The following BOD1L1 variants were observed in gnomAD, a reference collection of about 807,000 sequenced individuals.
BOD1L1 encodes biorientation of chromosomes in cell division 1 like 1, also known as biorientation of chromosomes in cell division protein 1-like 1.
In BOD1L1, 86 loss-of-function variants were observed where a neutral mutation model predicts 240.7. That is an observed-to-expected ratio of 0.36 (90% CI 0.30 to 0.43). The LOEUF (loss-of-function observed/expected upper bound fraction) is 0.43, where lower values mean the gene tolerates loss of function less well. Ranked by LOEUF, BOD1L1 falls within the 20% of genes least tolerant of loss-of-function variation. The pLI is 1.00. For synonymous variants in BOD1L1, 1,268 were observed against 1,272.3 expected (o/e 1.00, Z 0.07); for missense variants, 3,554 against 3,643.5 (o/e 0.98, Z 0.63).
In BOD1L1 at chr4:13,586,552, CTGTT is replaced by C. The variant is rs1469482269; in HGVS notation, c.8354-81_8354-78del. The stretch of plus-strand genomic sequence containing the variant: ...TGAAATGCATAGTTCTATTTTAAGA[CTGTT>C]TGAGCCTTCTTTCTTAGGCCTGTGA... On this transcript the variant is annotated intron_variant, in intron 16 of 25. Transcript: ENST00000040738. The C allele has an allele frequency of 1.7e-5, 15 of 881,374 alleles. 1 individual carries two copies. Among genetic ancestry groups the C allele is most frequent in the South Asian group, 1.2e-4 (6 of 50,548 alleles). The allele number at this position is 881,374 out of a possible 1,614,324, so 54.6% of individuals were successfully genotyped here. A position where few individuals can be genotyped will look rare whatever the true frequency, so the allele number is the denominator to read the frequency against.
chr4:13,621,338 G>A (rs1717018270), intron 1 of BOD1L1, among the ~76,000 whole-genome samples: 1 of 152,130 alleles, frequency 6.6e-6, no homozygotes. Flanking sequence ...TCTGCCATTT[G>A]CCTCCTTTTA....
Position 13,569,903 on chromosome 4 carries a change from G to T in BOD1L1, c.*108C>A. The T allele has an allele frequency of 1.4e-6, 1 of 704,410 alleles. No homozygotes were observed. The highest frequency in any genetic ancestry group is 2.1e-6 in the Non-Finnish European group (1 of 466,882). 43.6% of individuals were successfully genotyped at this position (704,410 alleles called of 1,614,324 possible). On this transcript the variant is annotated 3_prime_UTR_variant, in exon 26 of 26. Coordinates refer to ENST00000040738, the MANE Select transcript of BOD1L1 (RefSeq NM_148894.3). ...AAAAGCTTGCACCTAGGGACTTACA[G>T]CACATGCATATCTTTTTCCTGGTTA... is the stretch of plus-strand genomic sequence containing the variant.
At chr4:13,574,425 T>C (rs563763816) in intron 25 of BOD1L1, among the ~76,000 whole-genome samples, 2 of 152,344 alleles carry the variant, frequency 1.3e-5, no homozygotes, top group South Asian at 2.1e-4. Context: ...CAAAAGTTTA[T>C]ATTATAAAGT....
chr4:13,605,743 C>G (rs1007337931), intron 9 of BOD1L1, among the ~76,000 whole-genome samples: 1 of 152,082 alleles, frequency 6.6e-6, no homozygotes, highest in Non-Finnish European at 1.5e-5. Context: ...ATTTAAAAAG[C>G]TGAATTATGT....
rs1284934294 is a variant in BOD1L1, at chr4:13,601,553, C to T, written c.5347G>A (p.Asp1783Asn). Residue 1783 changes from aspartate to asparagine, a missense_variant, in exon 10 of 26, where the codon GAT becomes AAT. Physicochemically the swap from Asp to Asn is conservative, Grantham distance 23. Around this residue, in one of 2 missense-constraint regions of BOD1L1, gnomAD observed 3,393 missense variants for 3,427.1 expected, o/e 0.99. Transcript: ENST00000040738. ...ASQEGDGSVNDGTEGESAVTS... is the reference protein window; with the variant it reads ...ASQEGDGSVNNGTEGESAVTS... ...ACTGCACTCTCACCTTCTGTACCAT[C>T]ATTCACAGAACCATCTCCTTCTTGG... The T allele has an allele frequency of 6.2e-7, 1 of 1,614,054 alleles. No homozygotes were observed. The highest frequency in any genetic ancestry group is 1.3e-5 in the African/African-American group (1 of 75,062).
chr4:13,621,314 G>A (rs1717017115), intron 1 of BOD1L1, among the ~76,000 whole-genome samples: 1 of 152,196 alleles, frequency 6.6e-6, no homozygotes, highest in Non-Finnish European at 1.5e-5. Flanking sequence ...AGCAAGCACT[G>A]TATAGCCTCA....
At chr4:13,609,958 C>T (rs1009740382) in intron 6 of BOD1L1, among the ~76,000 whole-genome samples, 1 of 152,168 alleles carries the variant, frequency 6.6e-6, no homozygotes, top group African/African-American at 2.4e-5. Flanking sequence ...CCTACTATCT[C>T]TTTCTGGCTC....
chr4:13,614,718 C>T lies in BOD1L1; in HGVS notation c.652G>A (p.Ala218Thr), dbSNP rs1388067467. 2.5e-6 allele frequency: 4 copies of T among 1,613,944 alleles called. No homozygotes were observed. Among genetic ancestry groups the T allele is most frequent in the Non-Finnish European group, 3.4e-6 (4 of 1,179,866 alleles). ...TTTGATGTTTCTGTTGAAGCCCTAGCAGCACTGGCTTCTTGGTTAAGAGAA... is the reference window on the plus strand; with the variant it reads ...TTTGATGTTTCTGTTGAAGCCCTAGTAGCACTGGCTTCTTGGTTAAGAGAA... Reference protein sequence around the residue: ...ITSLNQEASAARASTETSNAK... With the variant: ...ITSLNQEASATRASTETSNAK... The change falls in exon 4 of 26, where the codon GCT becomes ACT. Residue 218 changes from alanine (A) to threonine (T), a missense_variant. Physicochemically the swap from Ala to Thr is moderately conservative, Grantham distance 58 (BLOSUM62 0). Transcript: ENST00000040738.
chr4:13,602,803 A>T lies in BOD1L1; in HGVS notation c.4097T>A (p.Ile1366Asn). Residue 1366 changes from isoleucine to asparagine, a missense_variant, in exon 10 of 26, where the codon ATT (isoleucine) becomes AAT (asparagine). By Grantham distance (149) the Ile-to-Asn change is moderately radical. Coordinates refer to ENST00000040738, the MANE Select transcript of BOD1L1 (RefSeq NM_148894.3). ...TAAAGTAGCCTGGTGAGCTTCTGGA[A>T]TGTGTCTTTTGCTAGTGATGCTTGC... is the stretch of plus-strand genomic sequence containing the variant. ...AKASITSKRHIPEAHQATLLD... is the reference protein window; with the variant it reads ...AKASITSKRHNPEAHQATLLD... 6.2e-7 allele frequency: 1 copy of T among 1,613,956 alleles called. No individual in the cohort carries two copies. The highest frequency in any genetic ancestry group is 1.1e-5 in the South Asian group (1 of 91,078).
At chr4:13,626,740 A>T (rs1308586443) in intron 1 of BOD1L1, among the ~76,000 whole-genome samples, 1 of 151,708 alleles carries the variant, frequency 6.6e-6, no homozygotes, top group Non-Finnish European at 1.5e-5. Context: ...TCTTTTCTCC[A>T]CTGAATGACT....
Position 13,581,173 on chromosome 4 carries a change from C to T in BOD1L1, c.8627G>A (p.Gly2876Glu), listed in dbSNP as rs780063302. ...DQPIIIKRKR[G>E]RPRKYPVETT... is the part of the protein sequence containing the mutation. Reference sequence around the variant, plus strand: ...TTCTACAGGGTATTTGCGAGGTCTTCCTCTTTTCCTTTTAATAATTATTGG... The same window carrying T: ...TTCTACAGGGTATTTGCGAGGTCTTTCTCTTTTCCTTTTAATAATTATTGG... Residue 2876 changes from glycine to glutamate, a missense_variant, in exon 20 of 26, where the codon GGA becomes GAA. Around this residue, in one of 2 missense-constraint regions of BOD1L1, gnomAD observed 3,393 missense variants for 3,427.1 expected, o/e 0.99. Transcript: ENST00000040738. 6.3e-7 allele frequency: 1 copy of T among 1,574,854 alleles called. No homozygotes were observed. The highest frequency in any genetic ancestry group is 2.3e-5 in the East Asian group (1 of 43,622).
Position 13,588,744 on chromosome 4 carries a change from C to G in BOD1L1, c.8258G>C (p.Ser2753Thr), listed in dbSNP as rs748373175. 7 of 1,605,546 alleles carry G rather than the reference C, an allele frequency of 4.4e-6. No individual in the cohort carries two copies. Among genetic ancestry groups the G allele is most frequent in the Non-Finnish European group, 2.6e-6 (3 of 1,175,740 alleles). ...CACCTCTTTAGGATCTGCTTCAACA[C>G]TGTGACCGCTTATGGCTTCTGCGTT... ...KDNAEAISGH[S>T]VEADPKEVEE... Residue 2753 changes from serine (S) to threonine (T), a missense_variant, in exon 15 of 26, where the codon AGT (serine) becomes ACT (threonine). Around this residue, in one of 2 missense-constraint regions of BOD1L1, gnomAD observed 3,393 missense variants for 3,427.1 expected, o/e 0.99. Transcript: ENST00000040738.
intron 14 of BOD1L1, 148 bp from the exon 15 acceptor site, chr4:13,588,940 C>A (rs1361560771): frequency 3.8e-6 from 2 of 520,756 alleles, no homozygotes; most frequent in Non-Finnish European, 6.7e-6. Context: ...GGTAGATAGT[C>A]ACAAATGATT....
rs1577359243 is a variant in BOD1L1, at chr4:13,605,276, A to C, written c.1816-192T>G. Reference sequence around the variant, plus strand: ...AAATAAGTATTATTAACTTGATTTTAAGAAGCTAAATTCTTCAAAGAACTA... The same window carrying C: ...AAATAAGTATTATTAACTTGATTTTCAGAAGCTAAATTCTTCAAAGAACTA... On this transcript the variant is annotated intron_variant, in intron 9 of 25. Coordinates refer to ENST00000040738, the MANE Select transcript of BOD1L1 (RefSeq NM_148894.3). Among the ~76,000 whole-genome samples, 3 of 152,342 alleles carry C rather than the reference A, an allele frequency of 2.0e-5. No homozygotes were observed. The South Asian group carries it at 6.2e-4, about 32-fold the overall frequency.
chr4:13,581,451 A>T (rs574444156), intron 19 of BOD1L1, among the ~76,000 whole-genome samples: 2 of 152,330 alleles, frequency 1.3e-5, no homozygotes, highest in Non-Finnish European at 2.9e-5. Flanking sequence ...ATTTTGAGAC[A>T]ATGAAGTAAT....
intron 19 of BOD1L1, among the ~76,000 whole-genome samples, chr4:13,581,734 A>G (rs1713248056): frequency 6.6e-6 from 1 of 152,166 alleles, no homozygotes; most frequent in Non-Finnish European, 1.5e-5. Context: ...CTGAAAATCT[A>G]TGGGCTTACA....
intron 8 of BOD1L1, 117 bp from the exon 9 acceptor site, chr4:13,607,306 T>G: frequency 2.5e-6 from 1 of 398,686 alleles, no homozygotes. Context: ...ATTTTATTAT[T>G]ATTATTTTTT....
chr4:13,597,167 G>T lies in BOD1L1; in HGVS notation c.7956C>A (p.Gly2652=). 1 of 1,590,106 alleles carries T rather than the reference G, an allele frequency of 6.3e-7. No homozygotes were observed. The highest frequency in any genetic ancestry group is 2.3e-5 in the East Asian group (1 of 44,370). The change falls in exon 11 of 26, where the codon GGC becomes GGA. Residue 2652 remains glycine (G), a splice_region_variant and synonymous_variant. Coordinates refer to ENST00000040738, the MANE Select transcript of BOD1L1 (RefSeq NM_148894.3). Reference sequence around the variant, plus strand: ...AAACATTCAATGGAGACTCTTCATTGCCTAATAAAATTCAAGCCATTTAGT... The same window carrying T: ...AAACATTCAATGGAGACTCTTCATTTCCTAATAAAATTCAAGCCATTTAGT... ...VSSEENVCDI[G]NEESPLNVLG...
intron 11 of BOD1L1, among the ~76,000 whole-genome samples, chr4:13,596,505 C>T (rs1174811792): frequency 6.6e-6 from 1 of 151,418 alleles, no homozygotes; most frequent in African/African-American, 2.4e-5. Flanking sequence ...TGTTTTGTCA[C>T]ATATACTTGG....
Sources: gnomAD v4.1 joint callset for allele counts (sites outside exome capture counted in the v4.1 genomes callset) on GRCh38, gnomAD v4.1.1 for gene constraint, gnomAD v4.1.1 regional missense constraint, MANE v1.5 for transcripts, NCBI Gene and HGNC (gene_info 2026-07-23, HGNC 2026-07-21) for gene names.